The following SPTAN1 variants were observed in gnomAD, a reference collection of about 807,000 sequenced individuals.
The protein encoded by SPTAN1 is spectrin alpha chain, non-erythrocytic 1.
Under a neutral mutation model 331.3 loss-of-function variants are expected in SPTAN1, and 61 were observed. The observed-to-expected ratio is 0.18, with a 90% CI of 0.15 to 0.23. The LOEUF (loss-of-function observed/expected upper bound fraction) is 0.23, where lower values mean the gene tolerates loss of function less well. Among genes scored for constraint, SPTAN1 ranks in the 10% least tolerant of loss-of-function variants. SPTAN1 has a pLI of 1.00. For missense variants in SPTAN1, 2,043 were observed against 3,147.9 expected (o/e 0.65, Z 8.40); for synonymous variants, 1,153 against 1,173.9 (o/e 0.98, Z 0.36).
intron 1 of SPTAN1, among the ~76,000 whole-genome samples, chr9:128,558,653 G>A (rs1298641376): frequency 6.6e-6 from 1 of 152,150 alleles, no homozygotes; most frequent in African/African-American, 2.4e-5. Flanking sequence ...CTCAAAAGGC[G>A]TTAATCCCAT....
intron 2 of SPTAN1, among the ~76,000 whole-genome samples, chr9:128,567,395 G>C (rs1468360043): frequency 6.6e-6 from 1 of 152,196 alleles, no homozygotes; most frequent in Non-Finnish European, 1.5e-5. Flanking sequence ...AGGTTCGAGT[G>C]ATTCTCCAGC....
Position 128,618,098 on chromosome 9 carries a change from G to A in SPTAN1, c.5590G>A (p.Ala1864Thr). Residue 1864 changes from alanine to threonine, a missense_variant, in exon 43 of 57, where the codon GCA (alanine) becomes ACA (threonine). By Grantham distance (58) the Ala-to-Thr change is moderately conservative. Coordinates refer to ENST00000372739, the MANE Select transcript of SPTAN1 (RefSeq NM_001130438.3). The stretch of plus-strand genomic sequence containing the variant: ...GCACTGGAAAGAGCTGAAGCAGCTG[G>A]CAGCTGCCCGGTGAGTAGTCAGAGG... ...VEHWKELKQL[A>T]AARGQRLEES... is the part of the protein sequence containing the mutation. 1.9e-6 allele frequency: 3 copies of A among 1,613,494 alleles called. No homozygotes were observed. Among genetic ancestry groups the A allele is most frequent in the Non-Finnish European group, 1.7e-6 (2 of 1,179,910 alleles).
chr9:128,601,399 A>T (rs1855132654), intron 27 of SPTAN1: 1 of 152,034 alleles, frequency 6.6e-6, no homozygotes, highest in African/African-American at 2.4e-5. Flanking sequence ...CTTGAGTTAC[A>T]GGCAAGTTAG....
At chr9:128,584,884 T>G (rs759624358) in intron 18 of SPTAN1, 41 bp downstream of exon 18, 1 of 1,613,872 alleles carries the variant, frequency 6.2e-7, no homozygotes, top group South Asian at 1.1e-5. Flanking sequence ...GTGCTGCTCC[T>G]CGTGTCTCCC....
intron 3 of SPTAN1, among the ~76,000 whole-genome samples, chr9:128,572,329 GA>G (rs113037526): frequency 0.16 from 24,393 of 152,112 alleles, 2,486 homozygotes; most frequent in East Asian, 0.44. Context: ...ACATGTTTAT[GA>G]AGTGCACCTG....
intron 38 of SPTAN1, 112 bp downstream of exon 38, chr9:128,611,957 C>T (rs1856619030): frequency 1.9e-6 from 3 of 1,602,868 alleles, no homozygotes; most frequent in Non-Finnish European, 2.6e-6. Flanking sequence ...TTATAGAAGA[C>T]TTTAGGCTGA....
chr9:128,603,634 C>T (rs1420420473), intron 28 of SPTAN1, 44 bp downstream of exon 28: 17 of 1,605,362 alleles, frequency 1.1e-5, no homozygotes, highest in Non-Finnish European at 1.4e-5. Context: ...CTGGTTTTCT[C>T]CACTATCTTC....
rs1026358414 is a variant in SPTAN1, at chr9:128,583,847, G to C, written c.2071G>C (p.Glu691Gln). The C allele has an allele frequency of 6.2e-7, 1 of 1,614,106 alleles. No individual in the cohort carries two copies. Among genetic ancestry groups the C allele is most frequent in the Non-Finnish European group, 8.5e-7 (1 of 1,180,042 alleles). ...QQFNRNVEDI[E>Q]LWLYEVEGHL... ...ATTTAATCGCAATGTTGAGGATATTGAATTGTGGCTATATGAAGTAGAAGG... is the reference window on the plus strand; with the variant it reads ...ATTTAATCGCAATGTTGAGGATATTCAATTGTGGCTATATGAAGTAGAAGG... Residue 691 changes from glutamate to glutamine, a missense_variant, in exon 16 of 57, where the codon GAA (glutamate) becomes CAA (glutamine). By Grantham distance (29) the Glu-to-Gln change is conservative. Transcript: ENST00000372739.
chr9:128,605,992 C>CA (rs55642110), intron 31 of SPTAN1, among the ~76,000 whole-genome samples: 24 of 134,472 alleles, frequency 1.8e-4, no homozygotes, highest in East Asian at 1.1e-3. Flanking sequence ...AACTCCATCT[C>CA]AAAAAAAAAA....
intron 11 of SPTAN1, 48 bp downstream of exon 11, chr9:128,581,107 T>C (rs200130829): frequency 1.2e-6 from 2 of 1,612,106 alleles, no homozygotes; most frequent in South Asian, 1.1e-5. Context: ...GAAGGGCCTG[T>C]GTTTTGCCTC....
chr9:128,618,209 C>CTGGACCTT (rs1322752151), intron 43 of SPTAN1, 101 bp downstream of exon 43: 1 of 1,552,546 alleles, frequency 6.4e-7, no homozygotes, highest in East Asian at 2.4e-5. Context: ...CTACTGTCTC[C>CTGGACCTT]TGGACCTTTG....
intron 9 of SPTAN1, among the ~76,000 whole-genome samples, chr9:128,578,702 G>A (rs1019462668): frequency 3.9e-5 from 6 of 151,920 alleles, no homozygotes; most frequent in East Asian, 1.9e-4. Flanking sequence ...GGTGGCACGC[G>A]CCTGTAGTCC....
chr9:128,569,518 G>T (rs554266542), intron 3 of SPTAN1, among the ~76,000 whole-genome samples: 3 of 151,208 alleles, frequency 2.0e-5, no homozygotes, highest in African/African-American at 7.3e-5. Flanking sequence ...CACATATCTA[G>T]TATGAAGATA....
Position 128,582,975 on chromosome 9 carries a change from C to A in SPTAN1, c.1807-102C>A. Reference sequence around the variant, plus strand: ...AACCCCACTACTTAATGTAAGCCAACTGTTTTATACATTCCTCCATAAAGA... The same window carrying A: ...AACCCCACTACTTAATGTAAGCCAAATGTTTTATACATTCCTCCATAAAGA... On this transcript the variant is annotated intron_variant, in intron 14 of 56. Transcript: ENST00000372739. 8 of 1,570,278 alleles carry A rather than the reference C, an allele frequency of 5.1e-6. No individual in the cohort carries two copies. In the South Asian group the frequency reaches 8.9e-5, roughly 18 times the overall value.
rs1328237271 is a variant in SPTAN1 at position 128,629,087 on chromosome 9, C to A, written c.6707+1145C>A. 1 of 398,632 alleles carries A rather than the reference C, an allele frequency of 2.5e-6. No individual in the cohort carries two copies. The highest frequency in any genetic ancestry group is 4.4e-6 in the Non-Finnish European group (1 of 226,174). The allele number at this position is 398,632 out of a possible 1,614,324, so 24.7% of individuals were successfully genotyped here. On this transcript the variant is annotated intron_variant, in intron 51 of 56. Coordinates refer to ENST00000372739, the MANE Select transcript of SPTAN1 (RefSeq NM_001130438.3). This position sits in a 1 kb window ranked among gnomAD's most constrained non-coding sequence, Gnocchi z 4.9. The stretch of plus-strand genomic sequence containing the variant: ...TTGCAGTGTGCTCTTGCCTCCCCTC[C>A]CTTTGGTGTATTCATTTGGTTTCTT...
intron 22 of SPTAN1, 28 bp downstream of exon 22, chr9:128,591,653 G>A (rs944302894): frequency 2.5e-6 from 4 of 1,612,638 alleles, no homozygotes; most frequent in Non-Finnish European, 2.5e-6. Flanking sequence ...GGCCGCAAGG[G>A]CTAGGCGTCC....
chr9:128,633,482 C>T lies in SPTAN1; in HGVS notation c.*148C>T, dbSNP rs113912557. The T allele has an allele frequency of 1.8e-3, 2,382 of 1,345,252 alleles. 27 individuals carry two copies. The African/African-American group carries it at 0.024, about 14-fold the overall frequency. The allele number at this position is 1,345,252 out of a possible 1,614,324, so 83.3% of individuals were successfully genotyped here. On this transcript the variant is annotated 3_prime_UTR_variant, in exon 57 of 57. Transcript: ENST00000372739. ...AGGAGAAAATGGTGCTTCACTAACC[C>T]GCTTCCGGTCCAGTCACAATCATCA... is the stretch of plus-strand genomic sequence containing the variant.
At position 128,632,341 on chromosome 9, in the gene SPTAN1, G is replaced by GGGCC. The variant is rs1234022517; in HGVS notation, c.6959+19_6959+22dup. 2.5e-6 allele frequency: 4 copies of GGGCC among 1,613,604 alleles called. No individual in the cohort carries two copies. The highest frequency in any genetic ancestry group is 2.5e-6 in the Non-Finnish European group (3 of 1,179,904). ...CAGGCCAGGTACCCGGGAGGGCTGT[G>GGGCC]GGCCAGGCTCAGCCCAGAGCAGGGG... On this transcript the variant is annotated intron_variant, in intron 53 of 56. Transcript: ENST00000372739.
At chr9:128,553,206 A>G (rs1367791494) in intron 1 of SPTAN1, 1 of 152,300 alleles carries the variant, frequency 6.6e-6, no homozygotes, top group East Asian at 1.9e-4. Context: ...GAGCCCGAGC[A>G]TAGCGTAAAC....
Sources: gnomAD v4.1 joint callset for allele counts (sites outside exome capture counted in the v4.1 genomes callset) on GRCh38, gnomAD v4.1.1 for gene constraint, Gnocchi (gnomAD v3.1) non-coding constraint, MANE v1.5 for transcripts, NCBI Gene and HGNC (gene_info 2026-07-23, HGNC 2026-07-21) for gene names.